PDE6B: variants seen among roughly 807,000 people sequenced by gnomAD.
The protein encoded by PDE6B is phosphodiesterase 6B.
A neutral mutation model predicts 109.0 loss-of-function variants in PDE6B; 106 were observed. That is an observed-to-expected ratio of 0.97 (90% CI 0.83 to 1.14). The LOEUF is 1.14. Among genes scored for constraint, PDE6B ranks in the 50% most tolerant of loss-of-function variants. The pLI is 0.00. For synonymous variants in PDE6B, 490 were observed against 471.3 expected, an observed-to-expected ratio of 1.04 and a Z score of -0.51; for missense variants, 1,193 against 1,155.6, an observed-to-expected ratio of 1.03 and a Z score of -0.47.
chr4:654,642 C>G (rs1255746711), intron 5 of PDE6B, 182 bp from the exon 6 acceptor site: 1 of 684,066 alleles, frequency 1.5e-6, no homozygotes, highest in Non-Finnish European at 2.7e-6. Flanking sequence ...TGAGTGCACC[C>G]GCATTCGTAG....
chr4:639,146 G>A (rs926432628), intron 3 of PDE6B, among the ~76,000 whole-genome samples: 2 of 150,806 alleles, frequency 1.3e-5, no homozygotes, highest in Non-Finnish European at 2.9e-5. Context: ...TTTTTGGGGG[G>A]TGTTTTTTTT....
At chr4:630,365 A>G (rs1243793827) in intron 1 of PDE6B, among the ~76,000 whole-genome samples, 4 of 152,154 alleles carry the variant, frequency 2.6e-5, no homozygotes, top group African/African-American at 9.7e-5. Flanking sequence ...GGCTGGGACC[A>G]GGGTGGCTGT....
In PDE6B at chr4:654,848, G is replaced by T; in HGVS notation, c.952G>T (p.Asp318Tyr). 6.3e-7 allele frequency: 1 copy of T among 1,576,652 alleles called. No individual in the cohort carries two copies. The highest frequency in any genetic ancestry group is 2.2e-5 in the East Asian group (1 of 44,724). ...GGAAATTGTCTTCTACAAAGTGATC[G>T]ACTACGTCCTCCACGGCAAGGAGGA... Reference protein sequence around the residue: ...GREIVFYKVIDYVLHGKEEIK... With the variant: ...GREIVFYKVIYYVLHGKEEIK... The change falls in exon 6 of 22, where the codon GAC (aspartate) becomes TAC (tyrosine). Residue 318 changes from aspartate (D) to tyrosine (Y), a missense_variant. Physicochemically the swap from Asp to Tyr is radical, Grantham distance 160 (BLOSUM62 -3). Transcript: ENST00000496514.
intron 11 of PDE6B, among the ~76,000 whole-genome samples, chr4:659,597 G>A (rs1431176713): frequency 1.4e-5 from 2 of 145,586 alleles, no homozygotes; most frequent in East Asian, 1.9e-4. Context: ...ATGTGGGTAT[G>A]TGTGTGCGTG....
chr4:635,468 C>T (rs913671646), intron 2 of PDE6B, among the ~76,000 whole-genome samples: 3 of 119,530 alleles, frequency 2.5e-5, no homozygotes, highest in Admixed American at 2.4e-4. Context: ...TTCTGTGCCA[C>T]GCGTCTGCCT....
Position 666,669 on chromosome 4 carries a change from C to A in PDE6B, c.2352+55C>A. ...CTGGGGCAGGGTGGCTGGGAGCAGGCAAGGGGGCGCGGGCTGGAGTCGCGT... is the reference window on the plus strand; with the variant it reads ...CTGGGGCAGGGTGGCTGGGAGCAGGAAAGGGGGCGCGGGCTGGAGTCGCGT... On this transcript the variant is annotated intron_variant, in intron 20 of 21. Transcript: ENST00000496514. The surrounding 1 kb of genome is among the most constrained non-coding windows in gnomAD (Gnocchi z 5.6). The A allele has an allele frequency of 8.2e-7, 1 of 1,215,698 alleles. No individual in the cohort carries two copies. Among genetic ancestry groups the A allele is most frequent in the Non-Finnish European group, 1.2e-6 (1 of 817,646 alleles). 75.3% of individuals were successfully genotyped at this position (1,215,698 alleles called of 1,614,324 possible).
In PDE6B at chr4:654,173, G is replaced by T; in HGVS notation, c.927+19G>T. On this transcript the variant is annotated intron_variant, in intron 5 of 21. Transcript: ENST00000496514. ...TGGCCGGGTGAGTCTTAGGGGAGGG[G>T]CCCAGGGCCTGTCCACACGCCTCTG... 1 of 1,605,160 alleles carries T rather than the reference G, an allele frequency of 6.2e-7. No homozygotes were observed.
intron 3 of PDE6B, among the ~76,000 whole-genome samples, chr4:640,153 G>A (rs1038366379): frequency 2.0e-5 from 3 of 152,158 alleles, no homozygotes; most frequent in African/African-American, 7.2e-5. Context: ...AAAAAAAGAA[G>A]AGTGATTTGC....
intron 3 of PDE6B, among the ~76,000 whole-genome samples, chr4:639,016 C>G (rs34421911): frequency 0.029 from 4,420 of 152,220 alleles, 65 homozygotes; most frequent in Middle Eastern, 0.041. Context: ...TGGGGTAGCT[C>G]CTAGCTCTTC....
chr4:651,101 G>C (rs1204785521), intron 3 of PDE6B, among the ~76,000 whole-genome samples: 2 of 150,814 alleles, frequency 1.3e-5, no homozygotes, highest in South Asian at 2.1e-4. Context: ...AGGCGGGGCA[G>C]GGGCTGAGGT....
In PDE6B at chr4:663,588, G is replaced by A. The variant is rs996959811; in HGVS notation, c.1921-182G>A. ...GTCCCAAGCCGACGATGGAGCCGCTGGTGGAGAGCTGGGCACCCTGAGGAG... is the reference window on the plus strand; with the variant it reads ...GTCCCAAGCCGACGATGGAGCCGCTAGTGGAGAGCTGGGCACCCTGAGGAG... On this transcript the variant is annotated intron_variant, in intron 15 of 21. Transcript: ENST00000496514. The surrounding 1 kb of genome is among the most constrained non-coding windows in gnomAD (Gnocchi z 4.0). 1 of 636,706 alleles carries A rather than the reference G, an allele frequency of 1.6e-6. No individual in the cohort carries two copies. Among genetic ancestry groups the A allele is most frequent in the Non-Finnish European group, 2.8e-6 (1 of 354,394 alleles). The allele number at this position is 636,706 out of a possible 1,614,324, so 39.4% of individuals were successfully genotyped here.
At position 626,223 on chromosome 4, in the gene PDE6B, G is replaced by T; in HGVS notation, c.468+129G>T. 1.5e-6 allele frequency: 1 copy of T among 648,026 alleles called. No homozygotes were observed. The allele number at this position is 648,026 out of a possible 1,614,324, so 40.1% of individuals were successfully genotyped here. A position where few individuals can be genotyped will look rare whatever the true frequency, so the allele number is the denominator to read the frequency against. On this transcript the variant is annotated intron_variant, in intron 1 of 21. Coordinates refer to ENST00000496514, the MANE Select transcript of PDE6B (RefSeq NM_000283.4). The surrounding 1 kb of genome is among the most constrained non-coding windows in gnomAD (Gnocchi z 4.6). ...TTGTCAGGGCACAGGCTAGTTCTGT[G>T]CTGAGGAGCAAGTACCTAGAGCCCC... is the stretch of plus-strand genomic sequence containing the variant.
chr4:631,445 G>T (rs1429690292), intron 1 of PDE6B, among the ~76,000 whole-genome samples: 1 of 151,930 alleles, frequency 6.6e-6, no homozygotes, highest in Non-Finnish European at 1.5e-5. Flanking sequence ...TGTGGATCCT[G>T]TGGCACTGTC....
chr4:640,394 C>T (rs1354964274), intron 3 of PDE6B, among the ~76,000 whole-genome samples: 1 of 152,048 alleles, frequency 6.6e-6, no homozygotes, highest in Non-Finnish European at 1.5e-5. Flanking sequence ...TGAAAATTAG[C>T]CAGGCATGGT....
rs1738403685 is a variant in PDE6B, at chr4:670,556, G to A, written c.*449G>A. On this transcript the variant is annotated 3_prime_UTR_variant, in exon 22 of 22. Transcript: ENST00000496514. ...CACGCCCAGCCTGTTTTTATAAACTGAAGCCAACTGTGAATAAACTGTAGC... is the reference window on the plus strand; with the variant it reads ...CACGCCCAGCCTGTTTTTATAAACTAAAGCCAACTGTGAATAAACTGTAGC... 3 of 224,540 alleles carry A rather than the reference G, an allele frequency of 1.3e-5. No homozygotes were observed. In the South Asian group the frequency reaches 1.7e-4, roughly 13 times the overall value. The allele number at this position is 224,540 out of a possible 1,614,324, so 13.9% of individuals were successfully genotyped here.
At position 663,252 on chromosome 4, in the gene PDE6B, G is replaced by A; in HGVS notation, c.1920+65G>A. On this transcript the variant is annotated intron_variant, in intron 15 of 21. Coordinates refer to ENST00000496514, the MANE Select transcript of PDE6B (RefSeq NM_000283.4). The surrounding 1 kb of genome is among the most constrained non-coding windows in gnomAD (Gnocchi z 4.0). ...GGACGCAGCGTCCGCAGGACGGCAG[G>A]GCCGTATCCTGCGGAGCAGGGTTCT... is the stretch of plus-strand genomic sequence containing the variant. 1 of 924,184 alleles carries A rather than the reference G, an allele frequency of 1.1e-6. No individual in the cohort carries two copies. The highest frequency in any genetic ancestry group is 1.8e-6 in the Non-Finnish European group (1 of 550,684). 57.2% of individuals were successfully genotyped at this position (924,184 alleles called of 1,614,324 possible).
rs767951010 is a variant in PDE6B at position 667,916 on chromosome 4, A to G, written c.2413A>G (p.Lys805Glu). The change falls in exon 21 of 22, where the codon AAA becomes GAA. Residue 805 changes from lysine to glutamate, a missense_variant. Lys to Glu is a moderately conservative substitution (Grantham distance 56, BLOSUM62 1). Coordinates refer to ENST00000496514, the MANE Select transcript of PDE6B (RefSeq NM_000283.4). Reference protein sequence around the residue: ...PMFDRLQNNRKEWKALADEYE... With the variant: ...PMFDRLQNNREEWKALADEYE... ...GTTCGACCGACTGCAGAACAATAGG[A>G]AAGAGTGGAAGGCGCTGGCTGATGA... 7 of 1,613,598 alleles carry G rather than the reference A, an allele frequency of 4.3e-6. No individual in the cohort carries two copies. The South Asian group carries it at 5.5e-5, about 13-fold the overall frequency.
chr4:663,791 C>T lies in PDE6B; in HGVS notation c.1942C>T (p.Leu648=), dbSNP rs369528678. ...SEETLNIYQN[L]NRRQHEHVIH... ...GCAGACCCTGAACATCTACCAGAAC[C>T]TGAACCGGCGGCAGCACGAGCACGT... The change falls in exon 16 of 22, where the codon CTG becomes TTG. Residue 648 remains leucine, a synonymous_variant. Transcript: ENST00000496514. The surrounding 1 kb of genome is among the most constrained non-coding windows in gnomAD (Gnocchi z 4.0). The T allele has an allele frequency of 3.3e-5, 54 of 1,612,198 alleles. No individual in the cohort carries two copies. The African/African-American group carries it at 4.5e-4, about 14-fold the overall frequency.
rs1737201134 is a variant in PDE6B at position 662,310 on chromosome 4, C to A, written c.1722+69C>A. ...GTACCAAGGGCAGCACTCAAGCACC[C>A]CGAGGGATGAGATGGGGGTCCTCCC... On this transcript the variant is annotated intron_variant, in intron 13 of 21. Transcript: ENST00000496514. The surrounding 1 kb of genome is among the most constrained non-coding windows in gnomAD (Gnocchi z 4.3). The A allele has an allele frequency of 1.0e-6, 1 of 957,504 alleles. No homozygotes were observed. Among genetic ancestry groups the A allele is most frequent in the Admixed American group, 2.0e-5 (1 of 50,326 alleles). 59.3% of individuals were successfully genotyped at this position (957,504 alleles called of 1,614,324 possible). A position where few individuals can be genotyped will look rare whatever the true frequency, so the allele number is the denominator to read the frequency against.
Sources: gnomAD v4.1 joint callset for allele counts (sites outside exome capture counted in the v4.1 genomes callset) on GRCh38, gnomAD v4.1.1 for gene constraint, Gnocchi (gnomAD v3.1) non-coding constraint, MANE v1.5 for transcripts, NCBI Gene and HGNC (gene_info 2026-07-23, HGNC 2026-07-21) for gene names.